PDZD2: variants seen among roughly 807,000 people sequenced by gnomAD.
The protein encoded by PDZD2 is PDZ domain-containing protein 2.
A neutral mutation model predicts 220.7 loss-of-function variants in PDZD2; 90 were observed. The observed-to-expected ratio is 0.41, with a 90% CI of 0.34 to 0.49. The LOEUF (loss-of-function observed/expected upper bound fraction) is 0.49, where lower values mean the gene tolerates loss of function less well. Ranked by LOEUF, PDZD2 falls within the 20% of genes least tolerant of loss-of-function variation. The pLI is 0.28. For missense variants in PDZD2, 3,174 were observed against 3,608.5 expected (o/e 0.88, Z 3.08); for synonymous variants, 1,375 against 1,450.5 (o/e 0.95, Z 1.18).
intron 1 of PDZD2, among the ~76,000 whole-genome samples, chr5:31,707,327 T>TTA (rs1447854668): frequency 0.052 from 7,902 of 151,380 alleles, 273 homozygotes; most frequent in Middle Eastern, 0.12. Flanking sequence ...ATTAATTAAT[T>TTA]AATTAAATAA....
intron 2 of PDZD2, among the ~76,000 whole-genome samples, chr5:31,968,469 C>T (rs1266610629): frequency 2.0e-5 from 3 of 152,128 alleles, no homozygotes; most frequent in Non-Finnish European, 2.9e-5. Context: ...GCCTGACCAA[C>T]GTGGAGAAAC....
intron 1 of PDZD2, among the ~76,000 whole-genome samples, chr5:31,716,329 G>T (rs980001990): frequency 6.6e-6 from 1 of 152,162 alleles, no homozygotes; most frequent in African/African-American, 2.4e-5. Flanking sequence ...CTATCATGAA[G>T]AAAGAAGCTT....
chr5:31,886,199 A>G (rs958776903), intron 2 of PDZD2, among the ~76,000 whole-genome samples: 1 of 152,140 alleles, frequency 6.6e-6, no homozygotes, highest in African/African-American at 2.4e-5. Flanking sequence ...GTGCCCAGCC[A>G]TTGTCTATAC....
chr5:32,006,010 G>A (rs998787387), intron 5 of PDZD2, among the ~76,000 whole-genome samples: 2 of 152,018 alleles, frequency 1.3e-5, no homozygotes, highest in African/African-American at 4.8e-5. Context: ...AGCCAGGCAT[G>A]GTGGCGTGCA....
intron 6 of PDZD2, among the ~76,000 whole-genome samples, chr5:32,024,989 A>C (rs942859523): frequency 6.6e-6 from 1 of 152,244 alleles, no homozygotes; most frequent in Non-Finnish European, 1.5e-5. Context: ...GTAGGTGATC[A>C]TTTGTGAGCC....
chr5:32,108,135 A>G lies in PDZD2; in HGVS notation c.8520A>G (p.Ter2840TrpextTer14). The G allele has an allele frequency of 6.3e-7, 1 of 1,576,996 alleles. No individual in the cohort carries two copies. Among genetic ancestry groups the G allele is most frequent in the Non-Finnish European group, 8.6e-7 (1 of 1,156,366 alleles). Reference protein sequence around the residue: ...LLIRKHRNSS* With the variant: ...LLIRKHRNSSW Reference sequence around the variant, plus strand: ...TTAGAAAGCATAGGAATTCTTCATGAATTTTAACAAGAATCATTTTCTCAG... The same window carrying G: ...TTAGAAAGCATAGGAATTCTTCATGGATTTTAACAAGAATCATTTTCTCAG... The change falls in exon 25 of 25, where the codon TGA becomes TGG. Residue 2840 changes from the stop codon to tryptophan, a stop_lost. Coordinates refer to ENST00000438447, the MANE Select transcript of PDZD2 (RefSeq NM_178140.4).
intron 19 of PDZD2, among the ~76,000 whole-genome samples, chr5:32,079,136 G>A (rs1741650901): frequency 6.6e-6 from 1 of 151,268 alleles, no homozygotes; most frequent in Non-Finnish European, 1.5e-5. Context: ...GTGCATGCCT[G>A]TAATCCTAGC....
intron 7 of PDZD2, among the ~76,000 whole-genome samples, chr5:32,042,252 ACT>A (rs1164698225): frequency 7.1e-5 from 10 of 139,914 alleles, no homozygotes; most frequent in African/African-American, 2.2e-4. Context: ...ACAGAGTGAG[ACT>A]CTGTCTAAAA....
chr5:31,983,685 A>G (rs764369200), intron 3 of PDZD2, 29 bp downstream of exon 3: 2 of 1,587,074 alleles, frequency 1.3e-6, no homozygotes, highest in Non-Finnish European at 1.7e-6. Flanking sequence ...ATGGAACCAG[A>G]ATTTTATTTA....
intron 1 of PDZD2, among the ~76,000 whole-genome samples, chr5:31,690,406 G>A (rs769396787): frequency 6.6e-6 from 1 of 152,102 alleles, no homozygotes; most frequent in Non-Finnish European, 1.5e-5. Flanking sequence ...GGTGTCCTGG[G>A]CATTTGTGTC....
chr5:31,734,192 A>T (rs1475533018), intron 1 of PDZD2, among the ~76,000 whole-genome samples: 2 of 152,164 alleles, frequency 1.3e-5, no homozygotes, highest in Non-Finnish European at 2.9e-5. Context: ...AGAGATGCAT[A>T]GGGCGAGGTA....
chr5:31,867,921 G>C (rs1261808075), intron 2 of PDZD2, among the ~76,000 whole-genome samples: 1 of 152,108 alleles, frequency 6.6e-6, no homozygotes, highest in Admixed American at 6.6e-5. Context: ...GAGCAGGGCA[G>C]GGGGAGCTGG....
In PDZD2 at chr5:32,110,546, C is replaced by T. The variant is rs1480407193; in HGVS notation, c.*2411C>T. On this transcript the variant is annotated 3_prime_UTR_variant, in exon 25 of 25. Coordinates refer to ENST00000438447, the MANE Select transcript of PDZD2 (RefSeq NM_178140.4). Reference sequence around the variant, plus strand: ...AGTGAACACTAATGGTATTGTCCTACTAAAACTGTCATTGTTTCTTTTTTT... The same window carrying T: ...AGTGAACACTAATGGTATTGTCCTATTAAAACTGTCATTGTTTCTTTTTTT... 1.3e-5 allele frequency: 2 copies of T among 152,594 alleles called. No individual in the cohort carries two copies. Among genetic ancestry groups the T allele is most frequent in the Non-Finnish European group, 2.9e-5 (2 of 68,036 alleles). The allele number at this position is 152,594 out of a possible 1,614,324, so 9.5% of individuals were successfully genotyped here. A position where few individuals can be genotyped will look rare whatever the true frequency, so the allele number is the denominator to read the frequency against.
intron 1 of PDZD2, among the ~76,000 whole-genome samples, chr5:31,679,542 C>G (rs1432146197): frequency 1.3e-5 from 2 of 152,132 alleles, no homozygotes; most frequent in Non-Finnish European, 2.9e-5. Flanking sequence ...CAGGGTCTTG[C>G]TGTTGCCCAG....
At chr5:31,849,860 A>T (rs1340367071) in intron 2 of PDZD2, among the ~76,000 whole-genome samples, 3 of 77,298 alleles carry the variant, frequency 3.9e-5, no homozygotes, top group Admixed American at 1.5e-4. Flanking sequence ...TCTCTCTCTC[A>T]TATATATATA....
At chr5:31,857,971 A>T (rs1478184263) in intron 2 of PDZD2, among the ~76,000 whole-genome samples, 1 of 152,128 alleles carries the variant, frequency 6.6e-6, no homozygotes, top group African/African-American at 2.4e-5. Context: ...GACTACAGGC[A>T]TGCACCACCA....
intron 2 of PDZD2, among the ~76,000 whole-genome samples, chr5:31,878,543 A>C (rs1454322133): frequency 7.5e-6 from 1 of 133,870 alleles, no homozygotes; most frequent in Non-Finnish European, 1.6e-5. Flanking sequence ...TTTGGTGGTC[A>C]GATGACCTCG....
chr5:31,674,376 G>A (rs1746326868), intron 1 of PDZD2, among the ~76,000 whole-genome samples: 1 of 152,212 alleles, frequency 6.6e-6, no homozygotes, highest in African/African-American at 2.4e-5. Flanking sequence ...TCCTTTGGAG[G>A]AACTTGAACT....
chr5:31,778,672 A>G (rs1056792102), intron 1 of PDZD2, among the ~76,000 whole-genome samples: 1 of 152,154 alleles, frequency 6.6e-6, no homozygotes, highest in Non-Finnish European at 1.5e-5. Context: ...GTCTTTAGGA[A>G]CTTTAACACT....
Sources: gnomAD v4.1 joint callset for allele counts (sites outside exome capture counted in the v4.1 genomes callset) on GRCh38, gnomAD v4.1.1 for gene constraint, MANE v1.5 for transcripts, NCBI Gene and HGNC (gene_info 2026-07-23, HGNC 2026-07-21) for gene names.